The following ZNF839 variants were observed in gnomAD, a reference collection of about 807,000 sequenced individuals.
ZNF839 encodes renal carcinoma antigen NY-REN-50.
ZNF839 carries 38 observed loss-of-function variants against 56.4 expected under a neutral mutation model. That is an observed-to-expected ratio of 0.67 (90% CI 0.52 to 0.88). The LOEUF (loss-of-function observed/expected upper bound fraction) is 0.88, where lower values mean the gene tolerates loss of function less well. Among genes scored for constraint, ZNF839 ranks in the 40% least tolerant of loss-of-function variants. The pLI is 0.00. For missense variants in ZNF839, 1,091 were observed against 1,177.6 expected, an observed-to-expected ratio of 0.93 and a Z score of 1.08; for synonymous variants, 486 against 493.5, an observed-to-expected ratio of 0.98 and a Z score of 0.20.
chr14:102,328,392 ATATATATATATATATATATG>A (rs2073573433), intron 2 of ZNF839, among the ~76,000 whole-genome samples: 1 of 79,100 alleles, frequency 1.3e-5, no homozygotes, highest in Admixed American at 1.6e-4. Context: ...ATATATATAT[ATATATATATATATATATATG>A]TATACACACA....
intron 2 of ZNF839, among the ~76,000 whole-genome samples, chr14:102,328,810 T>G (rs544945380): frequency 6.6e-6 from 1 of 152,240 alleles, no homozygotes; most frequent in African/African-American, 2.4e-5. Context: ...TGTCAGAATG[T>G]CCTCCCTCTG....
chr14:102,317,530 C>T (rs2072932187), upstream of ZNF839: 1 of 151,762 alleles, frequency 6.6e-6, no homozygotes, highest in Admixed American at 6.6e-5. Context: ...TCGCAGATAT[C>T]ACCGCCTAGT....
At position 102,335,779 on chromosome 14, in the gene ZNF839, G is replaced by T. The variant is rs2073988004; in HGVS notation, c.1600G>T (p.Asp534Tyr). ...TAAAATGGTTAAGAAAATGTGCCAA[G>T]ATTACCTCAGTAGTTCTGGTCTGTG... is the stretch of plus-strand genomic sequence containing the variant. Reference protein sequence around the residue: ...LHKMVKKMCQDYLSSSGLCSQ... With the variant: ...LHKMVKKMCQYYLSSSGLCSQ... Residue 534 changes from aspartate to tyrosine, a missense_variant, in exon 5 of 8, where the codon GAT (aspartate) becomes TAT (tyrosine). This residue lies in a region of ZNF839 where 46 missense variants were observed against 80.4 expected (regional missense o/e 0.57). Coordinates refer to ENST00000442396, the MANE Select transcript of ZNF839 (RefSeq NM_018335.6). 1 of 1,607,086 alleles carries T rather than the reference G, an allele frequency of 6.2e-7. No individual in the cohort carries two copies. Among genetic ancestry groups the T allele is most frequent in the Non-Finnish European group, 8.5e-7 (1 of 1,179,848 alleles).
intron 2 of ZNF839, among the ~76,000 whole-genome samples, chr14:102,329,445 T>A (rs1162416517): frequency 6.6e-6 from 1 of 151,464 alleles, no homozygotes; most frequent in Non-Finnish European, 1.5e-5. Flanking sequence ...AGTGCAGTGG[T>A]GTGATCTCAG....
At position 102,327,150 on chromosome 14, in the gene ZNF839, A is replaced by AT. The variant is rs892567401; in HGVS notation, c.1191+271dup. Reference sequence around the variant, plus strand: ...AGGGGGAGGTACCACACACTCATTTATTTTTTTTGAGATGGATCCTCGCTC... The same window carrying AT: ...AGGGGGAGGTACCACACACTCATTTATTTTTTTTTGAGATGGATCCTCGCTC... On this transcript the variant is annotated intron_variant, in intron 2 of 7. Transcript: ENST00000442396. Among the ~76,000 whole-genome samples the AT allele has an allele frequency of 5.2e-4, 78 of 151,430 alleles. 1 individual carries two copies. In the Middle Eastern group the frequency reaches 0.024, roughly 46 times the overall value.
Position 102,341,767 on chromosome 14 carries a change from T to C in ZNF839, c.2372T>C (p.Leu791Pro). Reference protein sequence around the residue: ...NHQQPSPTSVLPTEVAAPPLE... With the variant: ...NHQQPSPTSVPPTEVAAPPLE... ...CAGCAGCCCAGCCCCACCAGCGTCC[T>C]GCCTACAGAGGTGGCAGCCCCTCCG... The change falls in exon 8 of 8, where the codon CTG becomes CCG. Residue 791 changes from leucine (L) to proline (P), a missense_variant. By Grantham distance (98) the Leu-to-Pro change is moderately conservative. Coordinates refer to ENST00000442396, the MANE Select transcript of ZNF839 (RefSeq NM_018335.6). The C allele has an allele frequency of 6.2e-7, 1 of 1,614,018 alleles. No homozygotes were observed. The highest frequency in any genetic ancestry group is 8.5e-7 in the Non-Finnish European group (1 of 1,179,884).
At chr14:102,321,465 T>C (rs2073124967) in intron 1 of ZNF839, among the ~76,000 whole-genome samples, 1 of 152,206 alleles carries the variant, frequency 6.6e-6, no homozygotes, top group Admixed American at 6.5e-5. Context: ...AGCAAACTTA[T>C]TCGAGCTTAG....
chr14:102,331,976 G>T, intron 3 of ZNF839, 130 bp downstream of exon 3: 1 of 749,542 alleles, frequency 1.3e-6, no homozygotes, highest in East Asian at 2.7e-5. Flanking sequence ...ATGATGCCAA[G>T]GACAGTAATA....
At chr14:102,328,147 G>A (rs1426601436) in intron 2 of ZNF839, among the ~76,000 whole-genome samples, 2 of 151,494 alleles carry the variant, frequency 1.3e-5, no homozygotes, top group East Asian at 1.9e-4. Context: ...CTCAGGTGAC[G>A]AGTTCGAGAC....
In ZNF839 at chr14:102,326,571, A is replaced by G. The variant is rs2073420100; in HGVS notation, c.875A>G (p.Glu292Gly). 2.5e-6 allele frequency: 4 copies of G among 1,614,000 alleles called. No individual in the cohort carries two copies. The African/African-American group carries it at 4.0e-5, about 16-fold the overall frequency. Reference sequence around the variant, plus strand: ...TCAGAACTCTGTGTGGAAGAAGATGAAGATCAGAGGGAGAGGCACGCACTC... The same window carrying G: ...TCAGAACTCTGTGTGGAAGAAGATGGAGATCAGAGGGAGAGGCACGCACTC... ...DYSELCVEED[E>G]DQRERHALFD... The change falls in exon 2 of 8, where the codon GAA becomes GGA. Residue 292 changes from glutamate (E) to glycine (G), a missense_variant. Glu to Gly is a moderately conservative substitution (Grantham distance 98). Coordinates refer to ENST00000442396, the MANE Select transcript of ZNF839 (RefSeq NM_018335.6). This position sits in a 1 kb window ranked among gnomAD's most constrained non-coding sequence, Gnocchi z 4.3.
At position 102,342,117 on chromosome 14, in the gene ZNF839, CAGG is replaced by C. The variant is rs1406941809; in HGVS notation, c.2730_2732del (p.Glu910del). On this transcript the variant is annotated inframe_deletion, in exon 8 of 8. Coordinates refer to ENST00000442396, the MANE Select transcript of ZNF839 (RefSeq NM_018335.6). Reference sequence around the variant, plus strand: ...GTCCCCTCCAGGTACAATAGTGTCTCAGGAGGAGGACATTGTCACAGTGACTGA... The same window carrying C: ...GTCCCCTCCAGGTACAATAGTGTCTCAGGAGGACATTGTCACAGTGACTGA... 5.6e-6 allele frequency: 9 copies of C among 1,613,926 alleles called. No homozygotes were observed. Among genetic ancestry groups the C allele is most frequent in the Non-Finnish European group, 7.6e-6 (9 of 1,179,890 alleles).
chr14:102,337,565 T>C (rs1331806189), intron 5 of ZNF839: 1 of 152,226 alleles, frequency 6.6e-6, no homozygotes, highest in Non-Finnish European at 1.5e-5. Flanking sequence ...TTTTTTAAAC[T>C]CTTGAGTTTA....
intron 1 of ZNF839, among the ~76,000 whole-genome samples, chr14:102,324,839 A>T (rs998206659): frequency 6.6e-6 from 1 of 151,948 alleles, no homozygotes; most frequent in African/African-American, 2.4e-5. Context: ...AATCCCAGAT[A>T]CTTGGGAGAC....
intron 5 of ZNF839, 35 bp from the exon 6 acceptor site, chr14:102,338,781 G>A: frequency 6.2e-7 from 1 of 1,612,710 alleles, no homozygotes; most frequent in Non-Finnish European, 8.5e-7. Flanking sequence ...GTGCTGTTTG[G>A]GTGAAGTTTA....
chr14:102,319,532 A>AC, upstream of ZNF839: 1 of 417,858 alleles, frequency 2.4e-6, no homozygotes, highest in East Asian at 4.2e-5. This position sits in a 1 kb window ranked among gnomAD's most constrained non-coding sequence, Gnocchi z 4.5. Flanking sequence ...AGTCTTAAAC[A>AC]CATCCGTGAC....
intron 3 of ZNF839, 129 bp downstream of exon 3, chr14:102,331,975 AG>A: frequency 1.3e-6 from 1 of 755,830 alleles, no homozygotes; most frequent in East Asian, 2.7e-5. Flanking sequence ...GATGATGCCA[AG>A]GACAGTAATA....
rs983830734 is a variant in ZNF839 at position 102,331,575 on chromosome 14, A to G, written c.1192-47A>G. The stretch of plus-strand genomic sequence containing the variant: ...ACTAAAAGGTTTTTATGGGGTATAT[A>G]AAGCATGATTGTTTTATTTTACTTT... On this transcript the variant is annotated intron_variant, in intron 2 of 7. Transcript: ENST00000442396. The G allele has an allele frequency of 9.1e-6, 14 of 1,530,122 alleles. No homozygotes were observed. In the African/African-American group the frequency reaches 1.4e-4, roughly 15 times the overall value. 94.8% of individuals were successfully genotyped at this position (1,530,122 alleles called of 1,614,324 possible).
chr14:102,326,749 C>A lies in ZNF839; in HGVS notation c.1053C>A (p.Ala351=). ...CCGAGATGGTGCTGTCTGAGAAAGC[C>A]AGTGGAAGCACCCTCCGGGGGTGCA... The part of the protein sequence containing the change: ...LDPEMVLSEK[A]SGSTLRGCTE... Residue 351 remains alanine (A), a synonymous_variant, in exon 2 of 8, where the codon GCC becomes GCA. Transcript: ENST00000442396. This position sits in a 1 kb window ranked among gnomAD's most constrained non-coding sequence, Gnocchi z 4.3. The A allele has an allele frequency of 6.2e-7, 1 of 1,613,290 alleles. No homozygotes were observed. The highest frequency in any genetic ancestry group is 2.2e-5 in the East Asian group (1 of 44,854).
chr14:102,342,119 G>A lies in ZNF839; in HGVS notation c.2724G>A (p.Gln908=). Residue 908 remains glutamine (Q), a synonymous_variant, in exon 8 of 8, where the codon CAG becomes CAA. Transcript: ENST00000442396. ...ILSPPGTIVS[Q]EEDIVTVTDA... Reference sequence around the variant, plus strand: ...CCCCTCCAGGTACAATAGTGTCTCAGGAGGAGGACATTGTCACAGTGACTG... The same window carrying A: ...CCCCTCCAGGTACAATAGTGTCTCAAGAGGAGGACATTGTCACAGTGACTG... The A allele has an allele frequency of 6.2e-7, 1 of 1,613,940 alleles. No individual in the cohort carries two copies. Among genetic ancestry groups the A allele is most frequent in the Non-Finnish European group, 8.5e-7 (1 of 1,179,876 alleles).
Sources: gnomAD v4.1 joint callset for allele counts (sites outside exome capture counted in the v4.1 genomes callset) on GRCh38, gnomAD v4.1.1 for gene constraint, gnomAD v4.1.1 regional missense constraint, Gnocchi (gnomAD v3.1) non-coding constraint, MANE v1.5 for transcripts, NCBI Gene and HGNC (gene_info 2026-07-23, HGNC 2026-07-21) for gene names.